TOP6BL: variants seen among roughly 807,000 people sequenced by gnomAD.
TOP6BL encodes the protein TOP6B like initiator of meiotic double strand breaks, also known as type 2 DNA topoisomerase 6 subunit B-like.
the TOP6BL span, among the ~76,000 whole-genome samples, chr11:66,802,076 G>A: frequency 0.011 from 1,645 of 152,220 alleles, 36 homozygotes; most frequent in African/African-American, 0.037. Flanking sequence ...TGCAGCCTTG[G>A]TCTCCTGGGC....
At chr11:66,827,992 A>AAG in the TOP6BL span, among the ~76,000 whole-genome samples, 1 of 150,102 alleles carries the variant, frequency 6.7e-6, no homozygotes, top group South Asian at 2.1e-4. Context: ...AAAAAAAAAA[A>AAG]AGAGAGATGG....
At chr11:66,746,276 G>C in the TOP6BL span, among the ~76,000 whole-genome samples, 1 of 152,144 alleles carries the variant, frequency 6.6e-6, no homozygotes, top group African/African-American at 2.4e-5. Context: ...GTAAAAGTGA[G>C]AATCTGTTTG....
At chr11:66,793,813 A>G in the TOP6BL span, among the ~76,000 whole-genome samples, 3 of 151,984 alleles carry the variant, frequency 2.0e-5, no homozygotes, top group Non-Finnish European at 2.9e-5. Context: ...TGTACTTATA[A>G]AAAACATTAA....
chr11:66,807,014 A>T, the TOP6BL span, among the ~76,000 whole-genome samples: 2 of 152,168 alleles, frequency 1.3e-5, no homozygotes, highest in Non-Finnish European at 2.9e-5. Flanking sequence ...AGACAGACAA[A>T]TTTTTTGTCC....
the TOP6BL span, among the ~76,000 whole-genome samples, chr11:66,790,522 T>C: frequency 3.3e-5 from 5 of 152,180 alleles, no homozygotes; most frequent in African/African-American, 1.2e-4. Context: ...TAGGAAGTTG[T>C]TATCAGAGTG....
At chr11:66,770,340 C>A in the TOP6BL span, among the ~76,000 whole-genome samples, 1 of 152,150 alleles carries the variant, frequency 6.6e-6, no homozygotes, top group East Asian at 1.9e-4. Context: ...AAAAGATACA[C>A]ACATGGCCAG....
At chr11:66,780,494 A>G in the TOP6BL span, among the ~76,000 whole-genome samples, 1 of 152,136 alleles carries the variant, frequency 6.6e-6, no homozygotes, top group Admixed American at 6.6e-5. Context: ...TTGCACTGGA[A>G]TATCTGGCTT....
At chr11:66,828,270 C>T in the TOP6BL span, 1 of 1,612,820 alleles carries the variant, frequency 6.2e-7, no homozygotes, top group Non-Finnish European at 8.5e-7. Context: ...TTTTAGGCAG[C>T]TGACACACAA....
the TOP6BL span, among the ~76,000 whole-genome samples, chr11:66,805,314 A>C: frequency 2.0e-5 from 3 of 152,170 alleles, no homozygotes; most frequent in African/African-American, 7.2e-5. Flanking sequence ...CAGACTTATC[A>C]CCTGAATTAA....
chr11:66,764,497 A>G, the TOP6BL span, among the ~76,000 whole-genome samples: 4 of 120,096 alleles, frequency 3.3e-5, no homozygotes, highest in Non-Finnish European at 1.6e-5. Context: ...CTAAAAATAC[A>G]AAAAAAAAAA....
the TOP6BL span, among the ~76,000 whole-genome samples, chr11:66,753,374 T>G: frequency 1.3e-5 from 2 of 151,388 alleles, no homozygotes; most frequent in Non-Finnish European, 2.9e-5. Context: ...GGTATGTTAC[T>G]GCTGCTCACG....
chr11:66,804,316 T>C, the TOP6BL span: 1 of 884,866 alleles, frequency 1.1e-6, no homozygotes, highest in South Asian at 2.3e-5. Context: ...TAAAAACATA[T>C]AATCTAATGT....
chr11:66,797,531 G>T, the TOP6BL span, among the ~76,000 whole-genome samples: 2 of 151,636 alleles, frequency 1.3e-5, no homozygotes. Context: ...CTGAGACAGG[G>T]TTTTGCTCTG....
chr11:66,843,510 C>CGGCCGCCCGAGT, the TOP6BL span: 3 of 1,493,316 alleles, frequency 2.0e-6, no homozygotes, highest in Non-Finnish European at 2.7e-6. Flanking sequence ...GCGGCCGGAG[C>CGGCCGCCCGAGT]GGCCGCCCGA....
chr11:66,793,207 T>G, the TOP6BL span, among the ~76,000 whole-genome samples: 2 of 151,910 alleles, frequency 1.3e-5, no homozygotes, highest in East Asian at 3.9e-4. Context: ...TGTCTTAGCC[T>G]CCCAAGTAGC....
the TOP6BL span, chr11:66,828,248 A>G: frequency 6.3e-7 from 1 of 1,593,212 alleles, no homozygotes; most frequent in East Asian, 2.2e-5. Context: ...AGCATGTTCT[A>G]TTTCTGGCCC....
chr11:66,832,160 T>TG, the TOP6BL span, among the ~76,000 whole-genome samples: 2 of 151,392 alleles, frequency 1.3e-5, no homozygotes, highest in Admixed American at 1.3e-4. Flanking sequence ...TGCAGTGGCG[T>TG]GATCTCGGCT....
chr11:66,802,823 A>G, the TOP6BL span, among the ~76,000 whole-genome samples: 2 of 152,254 alleles, frequency 1.3e-5, no homozygotes, highest in African/African-American at 4.8e-5. Flanking sequence ...ATAATAAACA[A>G]TCCTTACAGG....
the TOP6BL span, among the ~76,000 whole-genome samples, chr11:66,790,539 TTTCTC>T: frequency 6.6e-6 from 1 of 152,178 alleles, no homozygotes; most frequent in Non-Finnish European, 1.5e-5. Flanking sequence ...AGTGATAAAG[TTTCTC>T]TTATTTCTTT....
Sources: allele counts gnomAD v4.1 joint callset (sites outside exome capture counted in the v4.1 genomes callset), GRCh38; gene constraint gnomAD v4.1.1; transcripts MANE v1.5; gene names NCBI Gene and HGNC (gene_info 2026-07-23, HGNC 2026-07-21).